NECAB1: variants seen among roughly 807,000 people sequenced by gnomAD.
NECAB1 encodes N-terminal EF-hand calcium-binding protein 1.
In NECAB1, 29 loss-of-function variants were observed where a neutral mutation model predicts 57.5. The ratio of observed to expected loss-of-function variants is 0.50; its 90% CI spans 0.38 to 0.69. The LOEUF is 0.69. Ranked by LOEUF, NECAB1 falls within the 30% of genes least tolerant of loss-of-function variation. The probability of loss-of-function intolerance (pLI) is 0.00; values close to 1 mark genes in which losing one functional copy is unlikely to be tolerated. For missense variants in NECAB1, 372 were observed against 413.8 expected, an observed-to-expected ratio of 0.90 and a Z score of 0.88; for synonymous variants, 142 against 147.7, an observed-to-expected ratio of 0.96 and a Z score of 0.28.
chr8:90,819,859 T>C (rs1812116770), intron 2 of NECAB1, among the ~76,000 whole-genome samples: 1 of 151,556 alleles, frequency 6.6e-6, no homozygotes, highest in South Asian at 2.1e-4. Flanking sequence ...GATCTTTTTT[T>C]AGGGAGAACA....
chr8:90,925,530 T>C lies in NECAB1; in HGVS notation c.495-5T>C, dbSNP rs757033359. On this transcript the variant is annotated splice_polypyrimidine_tract_variant and splice_region_variant and intron_variant, in intron 6 of 12. Coordinates refer to ENST00000417640, the MANE Select transcript of NECAB1 (RefSeq NM_022351.5). ...TAAGGTTAAATGTTATCTCTGTTGA[T>C]CAAGGCAAGGGCCAGCCAAGCCAGA... 3.1e-6 allele frequency: 5 copies of C among 1,611,772 alleles called. No homozygotes were observed. The South Asian group carries it at 3.3e-5, about 11-fold the overall frequency.
At chr8:90,883,091 T>A (rs1330820129) in intron 5 of NECAB1, among the ~76,000 whole-genome samples, 14 of 152,222 alleles carry the variant, frequency 9.2e-5, no homozygotes, top group Admixed American at 8.5e-4. Context: ...TTTCCTTGTA[T>A]TAAGACAATG....
intron 5 of NECAB1, among the ~76,000 whole-genome samples, chr8:90,914,241 C>T (rs1809897654): frequency 6.6e-6 from 1 of 152,098 alleles, no homozygotes; most frequent in South Asian, 2.1e-4. Flanking sequence ...AACAACAGAT[C>T]ACAACATCAC....
chr8:90,827,041 T>C (rs964185724), intron 3 of NECAB1, among the ~76,000 whole-genome samples: 3 of 151,986 alleles, frequency 2.0e-5, no homozygotes, highest in Non-Finnish European at 2.9e-5. Flanking sequence ...GGGATATCAG[T>C]GTCAGTCTTT....
chr8:90,851,104 C>G (rs1334756162), intron 3 of NECAB1, among the ~76,000 whole-genome samples: 1 of 152,272 alleles, frequency 6.6e-6, no homozygotes, highest in East Asian at 1.9e-4. Context: ...GGGGTTAAGA[C>G]AGCATCCAGG....
chr8:90,887,436 C>A (rs1463356056), intron 5 of NECAB1, among the ~76,000 whole-genome samples: 3 of 152,124 alleles, frequency 2.0e-5, no homozygotes. Context: ...TAGCAAAATT[C>A]CATAAATACA....
At chr8:90,889,432 A>C (rs1809095768) in intron 5 of NECAB1, among the ~76,000 whole-genome samples, 1 of 152,190 alleles carries the variant, frequency 6.6e-6, no homozygotes, top group Admixed American at 6.5e-5. Flanking sequence ...ATTTCTTGAG[A>C]AGATGACAAA....
intron 12 of NECAB1, among the ~76,000 whole-genome samples, chr8:90,953,902 A>G (rs564641356): frequency 1.3e-5 from 2 of 151,914 alleles, no homozygotes; most frequent in East Asian, 3.9e-4. Flanking sequence ...TCCTCTCTTT[A>G]CTAAAAAATA....
chr8:90,848,669 G>T (rs1403716733), intron 3 of NECAB1, among the ~76,000 whole-genome samples: 1 of 152,224 alleles, frequency 6.6e-6, no homozygotes, highest in Admixed American at 6.5e-5. Context: ...GACAGCTTGT[G>T]CAGGGAACTG....
chr8:90,811,947 C>T (rs534784381), intron 2 of NECAB1, among the ~76,000 whole-genome samples: 40 of 152,198 alleles, frequency 2.6e-4, no homozygotes, highest in Non-Finnish European at 5.6e-4. Flanking sequence ...ATTATATACA[C>T]ACCCCCAGAG....
chr8:90,841,610 C>CT (rs1411004520), intron 3 of NECAB1, among the ~76,000 whole-genome samples: 1 of 152,146 alleles, frequency 6.6e-6, no homozygotes, highest in Non-Finnish European at 1.5e-5. Flanking sequence ...GTCATACCTG[C>CT]TGGGGACTCT....
chr8:90,902,699 C>T (rs999456905), intron 5 of NECAB1, among the ~76,000 whole-genome samples: 10 of 151,906 alleles, frequency 6.6e-5, no homozygotes, highest in Admixed American at 2.6e-4. Context: ...GCCAATTGTT[C>T]AAAAACACAG....
intron 2 of NECAB1, among the ~76,000 whole-genome samples, chr8:90,814,403 C>G (rs964958219): frequency 1.3e-5 from 2 of 152,120 alleles, no homozygotes; most frequent in African/African-American, 4.8e-5. Flanking sequence ...ATACTTTACT[C>G]TGTAGGAAAG....
At chr8:90,836,708 T>G (rs1354195729) in intron 3 of NECAB1, among the ~76,000 whole-genome samples, 3 of 152,242 alleles carry the variant, frequency 2.0e-5, no homozygotes, top group Non-Finnish European at 4.4e-5. Context: ...TTATTCTAGT[T>G]GAGTTTGCAG....
At chr8:90,891,496 G>C (rs1351491475) in intron 5 of NECAB1, among the ~76,000 whole-genome samples, 2 of 151,814 alleles carry the variant, frequency 1.3e-5, no homozygotes, top group African/African-American at 4.8e-5. Context: ...GAATTCTAGA[G>C]GGTTTTTCAC....
chr8:90,814,117 T>C (rs1812017763), intron 2 of NECAB1, among the ~76,000 whole-genome samples: 1 of 152,238 alleles, frequency 6.6e-6, no homozygotes, highest in Non-Finnish European at 1.5e-5. Context: ...TTCTCAGACT[T>C]TCTTTGATTT....
chr8:90,802,547 G>C lies in NECAB1; in HGVS notation c.124+832G>C, dbSNP rs116659998. 7.1e-3 allele frequency among the ~76,000 whole-genome samples: 1,082 copies of C among 152,226 alleles called. 12 individuals carry two copies. Among genetic ancestry groups the C allele is most frequent in the African/African-American group, 0.025 (1,024 of 41,526 alleles). ...TTCTTGACAAATTTAGGATACAAAG[G>C]GTTCTTTCCCTTTTTTGAAATCCCA... On this transcript the variant is annotated intron_variant, in intron 2 of 12. Transcript: ENST00000417640.
intron 3 of NECAB1, among the ~76,000 whole-genome samples, chr8:90,869,743 C>A (rs887961775): frequency 6.6e-6 from 1 of 152,118 alleles, no homozygotes; most frequent in African/African-American, 2.4e-5. Context: ...GTGGAAGGGA[C>A]TTGCCTTGTC....
intron 5 of NECAB1, among the ~76,000 whole-genome samples, chr8:90,886,876 A>T (rs1407418340): frequency 6.6e-6 from 1 of 152,028 alleles, no homozygotes; most frequent in Non-Finnish European, 1.5e-5. Context: ...TTTTTCATTT[A>T]TTCAAGCTTA....
Sources: gnomAD v4.1 joint callset for allele counts (sites outside exome capture counted in the v4.1 genomes callset) on GRCh38, gnomAD v4.1.1 for gene constraint, MANE v1.5 for transcripts, NCBI Gene and HGNC (gene_info 2026-07-23, HGNC 2026-07-21) for gene names.